The following COL21A1 variants were observed in gnomAD, a reference collection of about 807,000 sequenced individuals.
The protein encoded by COL21A1 is collagen alpha-1(XXI) chain.
COL21A1 carries 149 observed loss-of-function variants against 137.9 expected under a neutral mutation model. The observed-to-expected ratio is 1.08, with a 90% confidence interval of 0.95 to 1.24. COL21A1 has a LOEUF of 1.24. Ranked by LOEUF, COL21A1 falls within the 50% of genes most tolerant of loss-of-function variation. COL21A1 has a pLI of 0.00. For synonymous variants in COL21A1, 456 were observed against 391.5 expected (o/e 1.16, Z -1.95); for missense variants, 1,167 against 1,158.4 (o/e 1.01, Z -0.11).
chr6:56,112,654 C>G (rs1369091210), intron 16 of COL21A1, among the ~76,000 whole-genome samples: 2 of 151,778 alleles, frequency 1.3e-5, no homozygotes, highest in Non-Finnish European at 2.9e-5. Context: ...TGATGCCTGC[C>G]CACAGAAGAA....
chr6:56,077,460 T>C (rs1767341897), intron 18 of COL21A1, 69 bp downstream of exon 18: 1 of 1,002,582 alleles, frequency 1.0e-6, no homozygotes, highest in Non-Finnish European at 1.5e-6. Flanking sequence ...TAAAACTGTA[T>C]TTTATTGTAG....
chr6:56,326,253 T>C (rs1029923965), intron 1 of COL21A1, among the ~76,000 whole-genome samples: 7 of 150,970 alleles, frequency 4.6e-5, no homozygotes, highest in African/African-American at 1.7e-4. Flanking sequence ...AAAAACCTTT[T>C]GAACATACTG....
intron 12 of COL21A1, among the ~76,000 whole-genome samples, chr6:56,127,483 T>C (rs1016485402): frequency 6.6e-6 from 1 of 152,192 alleles, no homozygotes; most frequent in Non-Finnish European, 1.5e-5. Context: ...ATGAATTTGA[T>C]GTTCTTTATT....
chr6:56,324,757 A>G (rs560963026), intron 1 of COL21A1, among the ~76,000 whole-genome samples: 1 of 152,042 alleles, frequency 6.6e-6, no homozygotes, highest in South Asian at 2.1e-4. Flanking sequence ...TACCCAAATC[A>G]TTGAAACTTG....
chr6:56,157,058 G>A, intron 9 of COL21A1, 109 bp from the exon 10 acceptor site: 4 of 504,472 alleles, frequency 7.9e-6, no homozygotes, highest in South Asian at 3.3e-5. Context: ...TTTTTTGTAT[G>A]TTAAAAACAA....
At chr6:56,146,995 A>G (rs780128077) in intron 10 of COL21A1, among the ~76,000 whole-genome samples, 1 of 152,164 alleles carries the variant, frequency 6.6e-6, no homozygotes, top group Non-Finnish European at 1.5e-5. Context: ...TTGACAAATA[A>G]TCTCTGCAGA....
chr6:56,112,815 G>T (rs1582388868), intron 16 of COL21A1, among the ~76,000 whole-genome samples: 2 of 151,564 alleles, frequency 1.3e-5, no homozygotes, highest in Admixed American at 1.3e-4. Context: ...CTCCCAAGTA[G>T]CTGGGATTAG....
chr6:56,266,093 A>T (rs930507417), intron 1 of COL21A1, among the ~76,000 whole-genome samples: 3 of 152,244 alleles, frequency 2.0e-5, no homozygotes, highest in East Asian at 3.8e-4. Context: ...CTAACAAAAC[A>T]TGCTAACACA....
intron 1 of COL21A1, among the ~76,000 whole-genome samples, chr6:56,282,459 A>C (rs545305771): frequency 3.5e-4 from 53 of 152,226 alleles, no homozygotes; most frequent in Non-Finnish European, 5.7e-4. Flanking sequence ...AGAGCCACAC[A>C]TACTATTGTT....
chr6:56,149,346 A>G (rs985522499), intron 10 of COL21A1, among the ~76,000 whole-genome samples: 1 of 152,254 alleles, frequency 6.6e-6, no homozygotes, highest in Non-Finnish European at 1.5e-5. Context: ...ATTTCTAAAA[A>G]TTAAAAACAA....
At chr6:56,261,096 C>T (rs1322883383) in intron 1 of COL21A1, among the ~76,000 whole-genome samples, 1 of 151,902 alleles carries the variant, frequency 6.6e-6, no homozygotes, top group Admixed American at 6.6e-5. Flanking sequence ...AATTCTACTA[C>T]AAATCCAAAG....
intron 1 of COL21A1, among the ~76,000 whole-genome samples, chr6:56,233,236 T>C (rs967347058): frequency 2.6e-5 from 4 of 151,810 alleles, no homozygotes; most frequent in Admixed American, 1.3e-4. Flanking sequence ...TTTATAATTA[T>C]TGGGGGCAAG....
chr6:56,296,464 A>G (rs9370509), intron 1 of COL21A1, among the ~76,000 whole-genome samples: 128,055 of 151,868 alleles, frequency 0.84, 55,970 homozygotes, highest in South Asian at 0.97. Context: ...TGTATCTCCA[A>G]TTACCTCATA....
rs139591803 is a variant in COL21A1, at chr6:56,056,963, G to T, written c.*694C>A. ...CTTACATTTTCTTTGAATGTACAAT[G>T]AAACTTTTTGTCTAAAATGTTTTTA... On this transcript the variant is annotated 3_prime_UTR_variant, in exon 30 of 30. Coordinates refer to ENST00000244728, the MANE Select transcript of COL21A1 (RefSeq NM_030820.4). 1.2e-4 allele frequency: 19 copies of T among 152,224 alleles called. No individual in the cohort carries two copies. The East Asian group carries it at 3.7e-3, about 29-fold the overall frequency. 9.4% of individuals were successfully genotyped at this position (152,224 alleles called of 1,614,324 possible).
intron 1 of COL21A1, among the ~76,000 whole-genome samples, chr6:56,269,849 A>G (rs1460282971): frequency 6.6e-6 from 1 of 152,114 alleles, no homozygotes; most frequent in African/African-American, 2.4e-5. Flanking sequence ...TAAGCAAAGG[A>G]GAAATAAAAT....
At position 56,170,833 on chromosome 6, in the gene COL21A1, T is replaced by C. The variant is rs568286835; in HGVS notation, c.842A>G (p.Tyr281Cys). The C allele has an allele frequency of 6.2e-7, 1 of 1,611,140 alleles. No homozygotes were observed. The highest frequency in any genetic ancestry group is 2.2e-5 in the East Asian group (1 of 44,816). Residue 281 changes from tyrosine (Y) to cysteine (C), a missense_variant, in exon 5 of 30, where the codon TAT (tyrosine) becomes TGT (cysteine). By Grantham distance (194) the Tyr-to-Cys change is radical. Coordinates refer to ENST00000244728, the MANE Select transcript of COL21A1 (RefSeq NM_030820.4). ...NVFPEGLPPS[Y>C]VFVSTQRFKV... Reference sequence around the variant, plus strand: ...AAATCTTTGAGTAGACACAAATACATATGATGGAGGAAGACCTTCTGGGAA... The same window carrying C: ...AAATCTTTGAGTAGACACAAATACACATGATGGAGGAAGACCTTCTGGGAA...
In COL21A1 at chr6:56,098,085, A is replaced by G. The variant is rs555027849; in HGVS notation, c.1812+3387T>C. Among the ~76,000 whole-genome samples, 133 of 31,890 alleles carry G rather than the reference A, an allele frequency of 4.2e-3. 6 individuals carry two copies. The highest frequency in any genetic ancestry group is 0.02 in the African/African-American group (124 of 6,358). 20.9% of individuals were successfully genotyped at this position (31,890 alleles called of 152,430 possible). ...TAAATATATAAATATATATAAATAT[A>G]AATATATATAAATATATAAATATAT... On this transcript the variant is annotated intron_variant, in intron 17 of 29. Coordinates refer to ENST00000244728, the MANE Select transcript of COL21A1 (RefSeq NM_030820.4).
At chr6:56,355,835 T>C (rs1765816168) in intron 1 of COL21A1, among the ~76,000 whole-genome samples, 1 of 152,192 alleles carries the variant, frequency 6.6e-6, no homozygotes, top group South Asian at 2.1e-4. Flanking sequence ...GGCAATTCCC[T>C]GTAACAATAT....
chr6:56,192,238 A>T (rs1195818494), intron 1 of COL21A1, among the ~76,000 whole-genome samples: 6 of 152,254 alleles, frequency 3.9e-5, no homozygotes, highest in Admixed American at 3.9e-4. Context: ...ACCTTAAACC[A>T]TAAAAATCCC....
Sources: allele counts gnomAD v4.1 joint callset (sites outside exome capture counted in the v4.1 genomes callset), GRCh38; gene constraint gnomAD v4.1.1; transcripts MANE v1.5; gene names NCBI Gene and HGNC (gene_info 2026-07-23, HGNC 2026-07-21).